AOAH: variants seen among roughly 807,000 people sequenced by gnomAD.
The protein encoded by AOAH is acyloxyacyl hydrolase (neutrophil).
In AOAH, 64 loss-of-function variants were observed where a neutral mutation model predicts 92.2. The observed-to-expected ratio is 0.69, with a 90% CI of 0.57 to 0.86. The LOEUF is 0.86. Ranked by LOEUF, AOAH falls within the 40% of genes least tolerant of loss-of-function variation. The pLI is 0.00. For missense variants in AOAH, 656 were observed against 694.6 expected (o/e 0.94, Z 0.62); for synonymous variants, 263 against 254.5 (o/e 1.03, Z -0.32).
intron 1 of AOAH, among the ~76,000 whole-genome samples, chr7:36,711,645 G>C (rs565146010): frequency 1.1e-4 from 17 of 152,316 alleles, no homozygotes; most frequent in African/African-American, 3.6e-4. Context: ...GGAGAAGAGA[G>C]AGTGTATGGG....
intron 2 of AOAH, among the ~76,000 whole-genome samples, chr7:36,683,685 T>C (rs1796785920): frequency 6.6e-6 from 1 of 151,652 alleles, no homozygotes; most frequent in South Asian, 2.1e-4. Flanking sequence ...ACAGATATAA[T>C]ACAGAAGACA....
intron 19 of AOAH, among the ~76,000 whole-genome samples, chr7:36,523,268 C>A (rs904447480): frequency 6.6e-6 from 1 of 152,196 alleles, no homozygotes; most frequent in African/African-American, 2.4e-5. Context: ...TTACTAGAGG[C>A]TGTTGGAAGA....
At chr7:36,586,530 A>G (rs773470474) in intron 12 of AOAH, among the ~76,000 whole-genome samples, 16 of 151,948 alleles carry the variant, frequency 1.1e-4, no homozygotes, top group Non-Finnish European at 1.6e-4. Context: ...TTCCTTTTCA[A>G]TCTTCTCTGC....
At chr7:36,559,144 T>C (rs1244976958) in intron 13 of AOAH, among the ~76,000 whole-genome samples, 1 of 152,238 alleles carries the variant, frequency 6.6e-6, no homozygotes, top group Non-Finnish European at 1.5e-5. Flanking sequence ...CTTTATTCAA[T>C]CCACTGTTAT....
chr7:36,621,362 C>T (rs1962611), intron 8 of AOAH, among the ~76,000 whole-genome samples: 7,359 of 152,204 alleles, frequency 0.048, 387 homozygotes, highest in East Asian at 0.13. Flanking sequence ...CAATTCTGCA[C>T]GGAGAACTGA....
At chr7:36,650,764 A>G (rs1473579410) in intron 4 of AOAH, among the ~76,000 whole-genome samples, 2 of 152,172 alleles carry the variant, frequency 1.3e-5, no homozygotes, top group Middle Eastern at 3.2e-3. Context: ...CCTATTTTTT[A>G]CTAAACAAAT....
At chr7:36,703,808 C>A (rs1245024264) in intron 1 of AOAH, among the ~76,000 whole-genome samples, 1 of 152,144 alleles carries the variant, frequency 6.6e-6, no homozygotes, top group African/African-American at 2.4e-5. Context: ...GACTTATAAT[C>A]TTTTGGGTAT....
intron 11 of AOAH, among the ~76,000 whole-genome samples, chr7:36,601,501 A>G (rs552047495): frequency 6.6e-6 from 1 of 152,292 alleles, no homozygotes; most frequent in South Asian, 2.1e-4. Context: ...CACAGACAAT[A>G]AACACTTCCC....
rs56240577 is a variant in AOAH at position 36,658,505 on chromosome 7, C to T, written c.390+661G>A. ...GTGTCAACATTTGCAGCCTCCTCTC[C>T]GCAATCTAATTAAAAGCTACACAAA... is the stretch of plus-strand genomic sequence containing the variant. On this transcript the variant is annotated intron_variant, in intron 4 of 20. Transcript: ENST00000617537. 3.7e-3 allele frequency among the ~76,000 whole-genome samples: 557 copies of T among 152,118 alleles called. 6 individuals are homozygous for T. The highest frequency in any genetic ancestry group is 0.01 in the South Asian group (50 of 4,806).
chr7:36,679,102 G>A (rs1448159939), intron 2 of AOAH, among the ~76,000 whole-genome samples: 1 of 152,070 alleles, frequency 6.6e-6, no homozygotes, highest in African/African-American at 2.4e-5. Context: ...ATCATACATT[G>A]GGTGTATACA....
intron 13 of AOAH, among the ~76,000 whole-genome samples, chr7:36,552,749 T>A (rs1190410239): frequency 6.6e-6 from 1 of 152,202 alleles, no homozygotes; most frequent in Admixed American, 6.5e-5. Context: ...CTAGTAGTCT[T>A]GTGCCTATTC....
chr7:36,656,083 A>G (rs1794866956), intron 4 of AOAH, among the ~76,000 whole-genome samples: 1 of 152,158 alleles, frequency 6.6e-6, no homozygotes, highest in African/African-American at 2.4e-5. Context: ...TATTTTTCCT[A>G]CAGCAAGGCA....
At chr7:36,611,079 C>T (rs1432258317) in intron 11 of AOAH, among the ~76,000 whole-genome samples, 1 of 152,224 alleles carries the variant, frequency 6.6e-6, no homozygotes, top group Non-Finnish European at 1.5e-5. Flanking sequence ...TCAGTATCAA[C>T]ATCCTGAGCA....
chr7:36,696,674 A>T (rs1310901812), intron 1 of AOAH, among the ~76,000 whole-genome samples: 1 of 152,108 alleles, frequency 6.6e-6, no homozygotes, highest in East Asian at 1.9e-4. Context: ...AGCCTGGCTA[A>T]CATGGTGAAA....
chr7:36,519,577 T>A (rs1784004934), intron 20 of AOAH, among the ~76,000 whole-genome samples: 1 of 152,220 alleles, frequency 6.6e-6, no homozygotes, highest in Non-Finnish European at 1.5e-5. Flanking sequence ...ATTACAGGCA[T>A]GTGCCACCAC....
intron 8 of AOAH, among the ~76,000 whole-genome samples, chr7:36,621,440 G>C (rs189460971): frequency 4.9e-4 from 74 of 152,304 alleles, no homozygotes; most frequent in Admixed American, 1.3e-3. Flanking sequence ...CCACTTGACT[G>C]TAAGCTCCAG....
intron 11 of AOAH, among the ~76,000 whole-genome samples, chr7:36,615,636 A>C (rs760179362): frequency 2.0e-5 from 3 of 152,184 alleles, no homozygotes; most frequent in Non-Finnish European, 2.9e-5. Context: ...AGGTGTTTGC[A>C]CAATTTGAGA....
At chr7:36,571,859 A>AT in intron 13 of AOAH, among the ~76,000 whole-genome samples, 1 of 152,128 alleles carries the variant, frequency 6.6e-6, no homozygotes, top group African/African-American at 2.4e-5. Flanking sequence ...TTTTTTTCAA[A>AT]TCGACTTCTT....
intron 1 of AOAH, among the ~76,000 whole-genome samples, chr7:36,720,425 C>T (rs1340364171): frequency 6.6e-6 from 1 of 152,064 alleles, no homozygotes; most frequent in Non-Finnish European, 1.5e-5. Flanking sequence ...CCCACCTCAG[C>T]ATCCCAAAGT....
Sources: allele counts gnomAD v4.1 joint callset (sites outside exome capture counted in the v4.1 genomes callset), GRCh38; gene constraint gnomAD v4.1.1; transcripts MANE v1.5; gene names NCBI Gene and HGNC (gene_info 2026-07-23, HGNC 2026-07-21).